Variants in PRKCQ observed in about 807,000 individuals in gnomAD.
PRKCQ encodes the protein protein kinase C theta type.
Under a neutral mutation model 91.2 loss-of-function variants are expected in PRKCQ, and 41 were observed. That is an observed-to-expected ratio of 0.45 (90% confidence interval 0.35 to 0.58). The LOEUF is 0.58. Among genes scored for constraint, PRKCQ ranks in the 20% least tolerant of loss-of-function variants. PRKCQ has a pLI of 0.00. For missense variants in PRKCQ, 673 were observed against 896.5 expected, an observed-to-expected ratio of 0.75 and a Z score of 3.18; for synonymous variants, 307 against 316.9, an observed-to-expected ratio of 0.97 and a Z score of 0.33.
rs12268204 is a variant in PRKCQ, at chr10:6,441,263, C to A, written c.1836+630G>T. ...AATGCCCATTTTCTCCTGCCTCAGC[C>A]TTCTGAGTAGCTGGGATCACAGGCG... is the stretch of plus-strand genomic sequence containing the variant. On this transcript the variant is annotated intron_variant, in intron 16 of 17. Transcript: ENST00000263125. 8.9e-3 allele frequency among the ~76,000 whole-genome samples: 1,355 copies of A among 151,934 alleles called. 12 individuals are homozygous for A. The highest frequency in any genetic ancestry group is 0.031 in the African/African-American group (1,280 of 41,476).
chr10:6,559,287 G>C (rs1355717997), intron 1 of PRKCQ, among the ~76,000 whole-genome samples: 2 of 152,060 alleles, frequency 1.3e-5, no homozygotes, highest in Admixed American at 1.3e-4. Flanking sequence ...TGAGGACTGG[G>C]GCAGATAAGA....
intron 1 of PRKCQ, among the ~76,000 whole-genome samples, chr10:6,523,754 T>C (rs1021346684): frequency 5.9e-5 from 9 of 152,214 alleles, no homozygotes; most frequent in Admixed American, 5.9e-4. Flanking sequence ...GAATAGATAG[T>C]CCCACTAAGG....
In PRKCQ at chr10:6,485,285, A is replaced by G; in HGVS notation, c.901-16T>C. The G allele has an allele frequency of 6.2e-7, 1 of 1,604,510 alleles. No individual in the cohort carries two copies. Among genetic ancestry groups the G allele is most frequent in the Non-Finnish European group, 8.5e-7 (1 of 1,171,936 alleles). ...AGCAGCGAGCCTGGATGACAAACAG[A>G]GAGTCAGACCACCCACCCACCCACC... On this transcript the variant is annotated splice_polypyrimidine_tract_variant and intron_variant, in intron 9 of 17. Coordinates refer to ENST00000263125, the MANE Select transcript of PRKCQ (RefSeq NM_006257.5).
In PRKCQ at chr10:6,467,387, GAC is replaced by G. The variant is rs139579346; in HGVS notation, c.1354-2985_1354-2984del. On this transcript the variant is annotated intron_variant, in intron 12 of 17. Coordinates refer to ENST00000263125, the MANE Select transcript of PRKCQ (RefSeq NM_006257.5). Reference sequence around the variant, plus strand: ...AGAGAGAGAGAGACAGAGAGAGACAGACAGAGAGAGAGAGAGAGAGAGAGAGA... The same window carrying G: ...AGAGAGAGAGAGACAGAGAGAGACAGAGAGAGAGAGAGAGAGAGAGAGAGA... 7.8e-3 allele frequency among the ~76,000 whole-genome samples: 522 copies of G among 67,346 alleles called. 9 individuals are homozygous for G. Among genetic ancestry groups the G allele is most frequent in the Non-Finnish European group, 0.012 (373 of 30,540 alleles). 44.2% of individuals were successfully genotyped at this position (67,346 alleles called of 152,430 possible).
the PRKCQ span, among the ~76,000 whole-genome samples, chr10:6,400,107 T>C: frequency 6.6e-6 from 1 of 152,226 alleles, no homozygotes; most frequent in Non-Finnish European, 1.5e-5. Flanking sequence ...TTGCCCAAGT[T>C]AGAATGGGGC....
the PRKCQ span, among the ~76,000 whole-genome samples, chr10:6,420,295 T>A: frequency 6.6e-6 from 1 of 152,216 alleles, no homozygotes; most frequent in Non-Finnish European, 1.5e-5. Flanking sequence ...AATCTGTGAG[T>A]TGGGCTTCTT....
At chr10:6,409,430 G>T in the PRKCQ span, among the ~76,000 whole-genome samples, 4 of 152,248 alleles carry the variant, frequency 2.6e-5, no homozygotes, top group Non-Finnish European at 5.9e-5. Flanking sequence ...GAGTAGCTGG[G>T]ATTACAGACA....
intron 11 of PRKCQ, among the ~76,000 whole-genome samples, chr10:6,479,534 G>A (rs567528610): frequency 3.3e-5 from 5 of 152,202 alleles, no homozygotes; most frequent in African/African-American, 9.6e-5. Context: ...AACTGTACTC[G>A]AAACATCACT....
At chr10:6,514,420 C>T (rs1470958655) in intron 2 of PRKCQ, among the ~76,000 whole-genome samples, 14 of 152,070 alleles carry the variant, frequency 9.2e-5, no homozygotes, top group African/African-American at 4.8e-5. Context: ...ACAAACAGGA[C>T]GTTGGGTGGC....
intron 14 of PRKCQ, among the ~76,000 whole-genome samples, chr10:6,460,113 T>C (rs1835240368): frequency 6.6e-6 from 1 of 152,204 alleles, no homozygotes; most frequent in Admixed American, 6.5e-5. Context: ...TCCTCAGTTA[T>C]AACTATTTGA....
At chr10:6,495,064 T>G (rs1159108774) in intron 7 of PRKCQ, among the ~76,000 whole-genome samples, 2 of 152,178 alleles carry the variant, frequency 1.3e-5, no homozygotes, top group African/African-American at 4.8e-5. Flanking sequence ...TCCAGTCATT[T>G]CTAACATCAA....
chr10:6,498,145 A>G (rs1837716277), intron 5 of PRKCQ, among the ~76,000 whole-genome samples: 1 of 152,022 alleles, frequency 6.6e-6, no homozygotes, highest in African/African-American at 2.4e-5. Flanking sequence ...CTTACCCCCA[A>G]TAGCCCCCCC....
intron 1 of PRKCQ, among the ~76,000 whole-genome samples, chr10:6,573,433 G>A (rs1052529460): frequency 1.3e-5 from 2 of 152,052 alleles, no homozygotes; most frequent in Admixed American, 6.6e-5. Context: ...ATCCCCACCC[G>A]CGATACCTTG....
intron 1 of PRKCQ, among the ~76,000 whole-genome samples, chr10:6,560,141 C>A (rs1840574634): frequency 6.6e-6 from 1 of 152,178 alleles, no homozygotes; most frequent in Admixed American, 6.5e-5. Flanking sequence ...TTCCCCTTCT[C>A]CTTGAAAATA....
At chr10:6,459,982 G>A (rs1835234853) in intron 14 of PRKCQ, among the ~76,000 whole-genome samples, 1 of 152,182 alleles carries the variant, frequency 6.6e-6, no homozygotes. Context: ...AAAAGTTTAG[G>A]TGAGTCAAAT....
At chr10:6,494,451 T>A (rs1004998997) in intron 7 of PRKCQ, among the ~76,000 whole-genome samples, 1 of 120,788 alleles carries the variant, frequency 8.3e-6, no homozygotes, top group African/African-American at 3.2e-5. Context: ...CAGGTTGTTT[T>A]CATGTCATCA....
intron 1 of PRKCQ, among the ~76,000 whole-genome samples, chr10:6,577,062 T>C (rs1175005291): frequency 1.3e-5 from 2 of 152,178 alleles, no homozygotes; most frequent in African/African-American, 4.8e-5. Flanking sequence ...ATTATTATTA[T>C]AATTAATACT....
chr10:6,523,983 T>C (rs557593104), intron 1 of PRKCQ, among the ~76,000 whole-genome samples: 1 of 152,300 alleles, frequency 6.6e-6, no homozygotes, highest in Admixed American at 6.5e-5. Context: ...ACAGCACGAC[T>C]CTCAGCGGAG....
intron 1 of PRKCQ, among the ~76,000 whole-genome samples, chr10:6,544,448 A>C (rs1412815198): frequency 6.6e-6 from 1 of 152,098 alleles, no homozygotes; most frequent in Non-Finnish European, 1.5e-5. Context: ...ACTGTAATTA[A>C]CTCCACAGTG....
Sources: gnomAD v4.1 joint callset for allele counts (sites outside exome capture counted in the v4.1 genomes callset) on GRCh38, gnomAD v4.1.1 for gene constraint, MANE v1.5 for transcripts, NCBI Gene and HGNC (gene_info 2026-07-23, HGNC 2026-07-21) for gene names.